The following SVIL variants were observed in gnomAD, a reference collection of about 807,000 sequenced individuals.
SVIL encodes the protein archvillin.
In SVIL, 101 loss-of-function variants were observed where a neutral mutation model predicts 240.4. The observed-to-expected ratio is 0.42, with a 90% CI of 0.36 to 0.50. The LOEUF is 0.50. Among genes scored for constraint, SVIL ranks in the 20% least tolerant of loss-of-function variants. SVIL has a pLI of 0.01. For missense variants in SVIL, 2,512 were observed against 2,818.7 expected (o/e 0.89, Z 2.46); for synonymous variants, 999 against 1,100.0 (o/e 0.91, Z 1.82).
chr10:29,473,754 G>T, intron 30 of SVIL, 84 bp downstream of exon 30: 1 of 1,569,262 alleles, frequency 6.4e-7, no homozygotes. Flanking sequence ...GAATCATGTT[G>T]GGAGGGACCA....
At position 29,560,352 on chromosome 10, in the gene SVIL, C is replaced by T. The variant is rs115189148; in HGVS notation, c.-51+2849G>A. 1.8e-3 allele frequency among the ~76,000 whole-genome samples: 278 copies of T among 152,330 alleles called. 2 individuals are homozygous for T. The highest frequency in any genetic ancestry group is 6.0e-3 in the African/African-American group (249 of 41,572). Reference sequence around the variant, plus strand: ...TGAATTGCCAGAACCAACGTAATCGCATACTTTAAATGATAGGATTGCATG... The same window carrying T: ...TGAATTGCCAGAACCAACGTAATCGTATACTTTAAATGATAGGATTGCATG... On this transcript the variant is annotated intron_variant, in intron 3 of 37. Coordinates refer to ENST00000355867, the MANE Select transcript of SVIL (RefSeq NM_021738.3).
intron 1 of SVIL, among the ~76,000 whole-genome samples, chr10:29,708,102 G>T (rs17544647): frequency 1.3e-5 from 2 of 150,702 alleles, no homozygotes; most frequent in Non-Finnish European, 3.0e-5. Flanking sequence ...CTAAAAAATA[G>T]AAAAAATTAG....
At chr10:29,560,310 C>T (rs925175503) in intron 3 of SVIL, among the ~76,000 whole-genome samples, 2 of 152,122 alleles carry the variant, frequency 1.3e-5, no homozygotes, top group Admixed American at 6.5e-5. Context: ...CTGGCTGTGC[C>T]GATGGAGGCA....
intron 1 of SVIL, among the ~76,000 whole-genome samples, chr10:29,626,573 C>G (rs531811689): frequency 1.3e-4 from 20 of 152,268 alleles, no homozygotes; most frequent in African/African-American, 4.6e-4. Flanking sequence ...CTGAGCGAGT[C>G]TGCTGTGACC....
At chr10:29,471,055 C>A (rs991962730) in intron 31 of SVIL, 83 bp downstream of exon 31, 2 of 1,278,440 alleles carry the variant, frequency 1.6e-6, no homozygotes, top group East Asian at 5.1e-5. Context: ...TGAAGACAGA[C>A]TCACTTTCAG....
intron 5 of SVIL, among the ~76,000 whole-genome samples, chr10:29,554,487 G>T (rs528786743): frequency 6.8e-6 from 1 of 147,448 alleles, no homozygotes; most frequent in African/African-American, 2.7e-5. Flanking sequence ...CTACAAAAAT[G>T]TTTAAAAAAA....
At chr10:29,557,146 A>G (rs1269283455) in intron 3 of SVIL, among the ~76,000 whole-genome samples, 1 of 148,772 alleles carries the variant, frequency 6.7e-6, no homozygotes, top group African/African-American at 2.5e-5. Flanking sequence ...CCCAGGCTGG[A>G]GTGTAGAGGC....
chr10:29,486,629 C>T, intron 24 of SVIL, 72 bp from the exon 25 acceptor site: 1 of 1,577,414 alleles, frequency 6.3e-7, no homozygotes, highest in Non-Finnish European at 8.7e-7. Flanking sequence ...ATGTCAAAAC[C>T]AGAGAGGAGA....
At chr10:29,661,971 G>A (rs917972117) in intron 2 of SVIL, among the ~76,000 whole-genome samples, 8 of 152,010 alleles carry the variant, frequency 5.3e-5, no homozygotes, top group Admixed American at 5.2e-4. Flanking sequence ...GCCCCAGTGA[G>A]TTTTATTCAC....
intron 1 of SVIL, among the ~76,000 whole-genome samples, chr10:29,698,838 G>A (rs1962286769): frequency 6.6e-6 from 1 of 152,104 alleles, no homozygotes. Flanking sequence ...ATTGCTTAAA[G>A]TTGTCTTTAA....
At chr10:29,697,609 T>C (rs1277081336) in intron 1 of SVIL, among the ~76,000 whole-genome samples, 1 of 124,928 alleles carries the variant, frequency 8.0e-6, no homozygotes, top group Non-Finnish European at 1.6e-5. Flanking sequence ...AAACAGATGC[T>C]TGAAGGCAGC....
intron 3 of SVIL, among the ~76,000 whole-genome samples, chr10:29,557,691 T>G (rs1421336948): frequency 6.6e-6 from 1 of 152,174 alleles, no homozygotes; most frequent in African/African-American, 2.4e-5. Flanking sequence ...GAAAGAAAGA[T>G]CTAGTTGGGA....
chr10:29,698,033 TA>T, intron 1 of SVIL: 1 of 848,678 alleles, frequency 1.2e-6, no homozygotes, highest in Non-Finnish European at 1.9e-6. Flanking sequence ...AGCTGGTCCC[TA>T]AAACCCATCT....
At chr10:29,652,200 C>T (rs7475253) in intron 3 of SVIL, among the ~76,000 whole-genome samples, 15 of 152,232 alleles carry the variant, frequency 9.9e-5, no homozygotes, top group African/African-American at 2.9e-4. Context: ...AGCAGTCACT[C>T]GTAATTTGCC....
chr10:29,499,813 C>T (rs993358754), intron 17 of SVIL, among the ~76,000 whole-genome samples: 61 of 152,288 alleles, frequency 4.0e-4, no homozygotes, highest in Non-Finnish European at 7.8e-4. Context: ...TGATGTTCTG[C>T]GGGCAGGTAG....
At chr10:29,675,881 T>C (rs1431932926) in intron 2 of SVIL, among the ~76,000 whole-genome samples, 1 of 152,152 alleles carries the variant, frequency 6.6e-6, no homozygotes, top group African/African-American at 2.4e-5. Context: ...AATTGACCCT[T>C]CCCAGTCTTG....
In SVIL at chr10:29,487,307, C is replaced by T. The variant is rs752975682; in HGVS notation, c.4349-8G>A. ...TCTGCACATGTCTTCTTCCTGAACA[C>T]GAGGCAGACAGTCACCGTCTTTCCA... is the stretch of plus-strand genomic sequence containing the variant. On this transcript the variant is annotated splice_polypyrimidine_tract_variant and splice_region_variant and intron_variant, in intron 23 of 37. Transcript: ENST00000355867. 8.7e-6 allele frequency: 14 copies of T among 1,613,840 alleles called. No individual in the cohort carries two copies. The highest frequency in any genetic ancestry group is 2.7e-5 in the African/African-American group (2 of 74,910).
chr10:29,511,733 A>C (rs1417222406), intron 17 of SVIL, among the ~76,000 whole-genome samples: 1 of 152,232 alleles, frequency 6.6e-6, no homozygotes, highest in African/African-American at 2.4e-5. Flanking sequence ...TGTATGTCTC[A>C]AAGAAGAGAA....
intron 34 of SVIL, among the ~76,000 whole-genome samples, chr10:29,465,279 A>C (rs751946386): frequency 6.6e-6 from 1 of 152,196 alleles, no homozygotes; most frequent in Non-Finnish European, 1.5e-5. Context: ...TGCAGCAACA[A>C]GACTGAGAGG....
Sources: gnomAD v4.1 joint callset for allele counts (sites outside exome capture counted in the v4.1 genomes callset) on GRCh38, gnomAD v4.1.1 for gene constraint, MANE v1.5 for transcripts, NCBI Gene and HGNC (gene_info 2026-07-23, HGNC 2026-07-21) for gene names.